Variants in SLC8A3 observed in about 807,000 individuals in gnomAD.
SLC8A3 encodes the protein solute carrier family 8 member A3.
SLC8A3 carries 37 observed loss-of-function variants against 65.4 expected under a neutral mutation model. The ratio of observed to expected loss-of-function variants is 0.57; its 90% CI spans 0.44 to 0.74. The LOEUF (loss-of-function observed/expected upper bound fraction) is 0.74, where lower values mean the gene tolerates loss of function less well. SLC8A3 is among the 30% of genes least tolerant of loss of function. SLC8A3 has a pLI of 0.00. For missense variants in SLC8A3, 1,112 were observed against 1,172.1 expected, an observed-to-expected ratio of 0.95 and a Z score of 0.75; for synonymous variants, 461 against 444.5, an observed-to-expected ratio of 1.04 and a Z score of -0.47.
intron 2 of SLC8A3, among the ~76,000 whole-genome samples, chr14:70,118,399 G>C (rs1329474192): frequency 6.6e-6 from 1 of 152,132 alleles, no homozygotes; most frequent in Non-Finnish European, 1.5e-5. Context: ...TACACCAGAG[G>C]AACCTACCCA....
chr14:70,161,000 T>G (rs540387352), intron 2 of SLC8A3, among the ~76,000 whole-genome samples: 44 of 150,876 alleles, frequency 2.9e-4, no homozygotes, highest in Non-Finnish European at 5.3e-4. Flanking sequence ...ATCCCAGCAC[T>G]TTGGGAGGCT....
In SLC8A3 at chr14:70,052,006, T is replaced by C. The variant is rs1304196212; in HGVS notation, c.1997A>G (p.Glu666Gly). 1.2e-6 allele frequency: 2 copies of C among 1,613,386 alleles called. No homozygotes were observed. The highest frequency in any genetic ancestry group is 2.7e-5 in the African/African-American group (2 of 74,850). ...EHPKLEVIIE[E>G]SYEFKTTVDK... Reference sequence around the variant, plus strand: ...TTGCCTGACCTTGAACTCATAGGACTCTTCAATGATGACTTCTAGTTTGGG... The same window carrying C: ...TTGCCTGACCTTGAACTCATAGGACCCTTCAATGATGACTTCTAGTTTGGG... The change falls in exon 4 of 7, where the codon GAG (glutamate) becomes GGG (glycine). Residue 666 changes from glutamate to glycine, a missense_variant. Transcript: ENST00000356921.
intron 2 of SLC8A3, among the ~76,000 whole-genome samples, chr14:70,061,986 G>A (rs546410110): frequency 2.0e-5 from 3 of 152,084 alleles, no homozygotes; most frequent in Admixed American, 2.0e-4. Context: ...AGAGGTTGCC[G>A]TGTGGGCCTG....
rs779060571 is a variant in SLC8A3, at chr14:70,063,868, T to A, written c.1785-2929A>T. 3 of 1,612,684 alleles carry A rather than the reference T, an allele frequency of 1.9e-6. No homozygotes were observed. In the African/African-American group the frequency reaches 4.0e-5, roughly 22 times the overall value. On this transcript the variant is annotated intron_variant, in intron 2 of 6. Coordinates refer to ENST00000356921, the MANE Select transcript of SLC8A3 (RefSeq NM_182932.3). ...ACCATGCGGGGGCCCATCATCTCAATGAAGTAATTCTTGTTTTTCTCATAT... is the reference window on the plus strand; with the variant it reads ...ACCATGCGGGGGCCCATCATCTCAAAGAAGTAATTCTTGTTTTTCTCATAT...
chr14:70,130,165 A>G lies in SLC8A3; in HGVS notation c.1784+36474T>C, dbSNP rs554045451. Among the ~76,000 whole-genome samples, 98 of 152,374 alleles carry G rather than the reference A, an allele frequency of 6.4e-4. 1 individual carries two copies. Among genetic ancestry groups the G allele is most frequent in the South Asian group, 1.0e-3 (5 of 4,826 alleles). On this transcript the variant is annotated intron_variant, in intron 2 of 6. Coordinates refer to ENST00000356921, the MANE Select transcript of SLC8A3 (RefSeq NM_182932.3). ...CTGGAATTCTGAGATCTGAAAGATT[A>G]TCGGTAGGAGCTTCAGACCCTAAAC...
intron 2 of SLC8A3, among the ~76,000 whole-genome samples, chr14:70,101,439 A>C (rs1892544492): frequency 6.6e-6 from 1 of 152,044 alleles, no homozygotes; most frequent in Non-Finnish European, 1.5e-5. Flanking sequence ...AAGAGAGAAG[A>C]CTAAAAAAAA....
Position 70,168,042 on chromosome 14 carries a change from C to T in SLC8A3, c.381G>A (p.Arg127=), listed in dbSNP as rs148955817. The change falls in exon 2 of 7, where the codon CGG becomes CGA. Residue 127 remains arginine, a synonymous_variant. Transcript: ENST00000356921. Reference sequence around the variant, plus strand: ...GGTTGGAGACAGTTTCATTCCAGACCCGAATAGTGGTTGTGCTGGTTTCTC... The same window carrying T: ...GGTTGGAGACAGTTTCATTCCAGACTCGAATAGTGGTTGTGCTGGTTTCTC... ...PNGETSTTTI[R]VWNETVSNLT... 2.8e-5 allele frequency: 45 copies of T among 1,614,090 alleles called. No individual in the cohort carries two copies. The African/African-American group carries it at 4.8e-4, about 17-fold the overall frequency.
intron 2 of SLC8A3, among the ~76,000 whole-genome samples, chr14:70,127,119 C>T (rs1460643904): frequency 1.3e-5 from 2 of 150,484 alleles, no homozygotes; most frequent in Admixed American, 6.7e-5. Context: ...TAATGGCTCC[C>T]AAATGTATTC....
chr14:70,103,463 T>C (rs1892662137), intron 2 of SLC8A3, among the ~76,000 whole-genome samples: 1 of 152,064 alleles, frequency 6.6e-6, no homozygotes, highest in African/African-American at 2.4e-5. Flanking sequence ...CACTCTATTG[T>C]GGATTTTACA....
At chr14:70,131,869 C>G (rs781158160) in intron 2 of SLC8A3, among the ~76,000 whole-genome samples, 2 of 152,074 alleles carry the variant, frequency 1.3e-5, no homozygotes, top group African/African-American at 2.4e-5. Context: ...AACAAGAGGA[C>G]AGATAAGACA....
chr14:70,058,205 T>C (rs1403531893), intron 3 of SLC8A3, among the ~76,000 whole-genome samples: 3 of 152,238 alleles, frequency 2.0e-5, no homozygotes, highest in African/African-American at 7.2e-5. Context: ...CCATTCTGAA[T>C]GTTTCAGACT....
At chr14:70,051,140 G>A (rs1887461354) in intron 4 of SLC8A3, 33 bp from the exon 5 acceptor site, 5 of 1,432,854 alleles carry the variant, frequency 3.5e-6, no homozygotes, top group Non-Finnish European at 4.9e-6. Context: ...GAACCATGAG[G>A]TTAGAATGCT....
Position 70,166,988 on chromosome 14 carries a change from G to A in SLC8A3, c.1435C>T (p.His479Tyr), listed in dbSNP as rs765698969. The A allele has an allele frequency of 4.3e-6, 7 of 1,613,966 alleles. No homozygotes were observed. Among genetic ancestry groups the A allele is most frequent in the Non-Finnish European group, 5.1e-6 (6 of 1,180,006 alleles). The change falls in exon 2 of 7, where the codon CAC becomes TAC. Residue 479 changes from histidine to tyrosine, a missense_variant. His to Tyr is a moderately conservative substitution (Grantham distance 83). Transcript: ENST00000356921. Reference sequence around the variant, plus strand: ...ACATTGCTCAACCTTACAAAGAAGTGTTCATCCTCCTCAAAAATGTCGTCA... The same window carrying A: ...ACATTGCTCAACCTTACAAAGAAGTATTCATCCTCCTCAAAAATGTCGTCA... ...IDDDIFEEDE[H>Y]FFVRLSNVRI...
At chr14:70,062,076 T>C (rs1888860342) in intron 2 of SLC8A3, among the ~76,000 whole-genome samples, 1 of 144,612 alleles carries the variant, frequency 6.9e-6, no homozygotes, top group Admixed American at 6.9e-5. Flanking sequence ...GCCAGAATTG[T>C]AATTTTCTGC....
At chr14:70,073,488 A>G (rs1890195124) in intron 2 of SLC8A3, among the ~76,000 whole-genome samples, 1 of 152,154 alleles carries the variant, frequency 6.6e-6, no homozygotes, top group Admixed American at 6.5e-5. Context: ...AAATATATAT[A>G]TATATGCATG....
At chr14:70,056,491 C>T (rs1304671677) in intron 3 of SLC8A3, among the ~76,000 whole-genome samples, 2 of 152,196 alleles carry the variant, frequency 1.3e-5, no homozygotes, top group African/African-American at 4.8e-5. Flanking sequence ...AGAATGTTTT[C>T]CTTGAATGGT....
At chr14:70,155,247 T>C (rs1896509266) in intron 2 of SLC8A3, among the ~76,000 whole-genome samples, 4 of 152,090 alleles carry the variant, frequency 2.6e-5, no homozygotes, top group African/African-American at 9.7e-5. Context: ...TTTGTGAATA[T>C]TCAGAATCCT....
intron 2 of SLC8A3, among the ~76,000 whole-genome samples, chr14:70,119,135 C>T (rs1233620756): frequency 6.6e-6 from 1 of 152,024 alleles, no homozygotes; most frequent in Non-Finnish European, 1.5e-5. Context: ...GGTGTGTTTC[C>T]ATGTGACATC....
At chr14:70,082,894 C>T (rs983580596) in intron 2 of SLC8A3, among the ~76,000 whole-genome samples, 1 of 152,182 alleles carries the variant, frequency 6.6e-6, no homozygotes, top group Non-Finnish European at 1.5e-5. Context: ...GCATTTCTTT[C>T]TTCCCCATCT....
Sources: gnomAD v4.1 joint callset for allele counts (sites outside exome capture counted in the v4.1 genomes callset) on GRCh38, gnomAD v4.1.1 for gene constraint, MANE v1.5 for transcripts, NCBI Gene and HGNC (gene_info 2026-07-23, HGNC 2026-07-21) for gene names.